Variants in LINGO2 observed in about 807,000 individuals in gnomAD.
The protein encoded by LINGO2 is leucine-rich repeat and immunoglobulin-like domain-containing nogo receptor-interacting protein 2.
Under a neutral mutation model 30.6 loss-of-function variants are expected in LINGO2, and 14 were observed. That is an observed-to-expected ratio of 0.46 (90% confidence interval 0.30 to 0.72). The LOEUF is 0.72. LINGO2 is among the 30% of genes least tolerant of loss of function. The pLI, the probability that LINGO2 is intolerant of heterozygous loss-of-function variation, is 0.07. For missense variants in LINGO2, 729 were observed against 751.7 expected (o/e 0.97, Z 0.35); for synonymous variants, 317 against 288.5 (o/e 1.10, Z -1.00).
At chr9:29,205,530 T>C in the LINGO2 span, among the ~76,000 whole-genome samples, 1 of 152,226 alleles carries the variant, frequency 6.6e-6, no homozygotes, top group Non-Finnish European at 1.5e-5. Flanking sequence ...GGCCTGTTGT[T>C]TTATTTTCTT....
chr9:28,425,044 G>A (rs949003936), intron 2 of LINGO2, among the ~76,000 whole-genome samples: 2 of 151,638 alleles, frequency 1.3e-5, no homozygotes, highest in African/African-American at 2.4e-5. Flanking sequence ...GGTCTTAAAC[G>A]GGTTATTTTT....
rs775782337 is a variant in LINGO2, at chr9:28,524,869, G to A, written c.-364-48844C>T. ...TAAGCAAAGGGATCTTTAAAAATAG[G>A]TAAAGAATATGAATAGGTACTTCTC... On this transcript the variant is annotated intron_variant, in intron 1 of 5. Transcript: ENST00000379992. Among the ~76,000 whole-genome samples the A allele has an allele frequency of 6.6e-5, 10 of 151,954 alleles. 1 individual carries two copies. The highest frequency in any genetic ancestry group is 1.2e-4 in the Non-Finnish European group (8 of 67,964).
the LINGO2 span, among the ~76,000 whole-genome samples, chr9:28,757,683 C>G: frequency 5.3e-5 from 8 of 151,932 alleles, no homozygotes; most frequent in Non-Finnish European, 1.2e-4. Flanking sequence ...AATTCTGGTA[C>G]ATTTTGGTTT....
chr9:28,542,031 C>A (rs923427748), intron 1 of LINGO2, among the ~76,000 whole-genome samples: 2 of 151,928 alleles, frequency 1.3e-5, no homozygotes, highest in African/African-American at 4.8e-5. Context: ...GTTTGGGGTA[C>A]AAAATGCTGA....
intron 1 of LINGO2, among the ~76,000 whole-genome samples, chr9:28,502,054 AG>A (rs1379578923): frequency 6.6e-6 from 1 of 151,680 alleles, no homozygotes; most frequent in African/African-American, 2.4e-5. Flanking sequence ...GATAAAGGGA[AG>A]AAAGGAGGGA....
intron 4 of LINGO2, among the ~76,000 whole-genome samples, chr9:28,243,059 A>T (rs1352247533): frequency 6.6e-6 from 1 of 152,180 alleles, no homozygotes; most frequent in Non-Finnish European, 1.5e-5. Context: ...AAGAAACAGC[A>T]TCAACTAGTG....
At chr9:28,890,059 C>T in the LINGO2 span, among the ~76,000 whole-genome samples, 1 of 152,166 alleles carries the variant, frequency 6.6e-6, no homozygotes, top group Non-Finnish European at 1.5e-5. Context: ...ATGCTTGGTA[C>T]AGAATAGCAT....
At chr9:28,866,499 T>C in the LINGO2 span, among the ~76,000 whole-genome samples, 6 of 152,014 alleles carry the variant, frequency 3.9e-5, no homozygotes, top group African/African-American at 9.7e-5. Context: ...ATAAACCCTA[T>C]AATCAATGCT....
At chr9:27,965,330 A>G (rs185800065) in intron 5 of LINGO2, among the ~76,000 whole-genome samples, 1 of 150,964 alleles carries the variant, frequency 6.6e-6, no homozygotes, top group African/African-American at 2.4e-5. Context: ...TACTTCTCTC[A>G]TGCTTTATCA....
At chr9:29,059,645 T>A in the LINGO2 span, among the ~76,000 whole-genome samples, 2 of 151,932 alleles carry the variant, frequency 1.3e-5, no homozygotes, top group African/African-American at 2.4e-5. Context: ...GAGAGTTTTT[T>A]AAACAAATTT....
chr9:27,969,290 T>C (rs1019955069), intron 5 of LINGO2, among the ~76,000 whole-genome samples: 5 of 152,084 alleles, frequency 3.3e-5, no homozygotes, highest in African/African-American at 9.7e-5. Flanking sequence ...ATATGAAAGC[T>C]TCATTGAGTA....
chr9:28,744,008 T>C, the LINGO2 span, among the ~76,000 whole-genome samples: 1 of 151,368 alleles, frequency 6.6e-6, no homozygotes. Context: ...TTTCTCTGTG[T>C]TCTCCTGATT....
At chr9:28,000,684 G>A (rs1821903940) in intron 5 of LINGO2, among the ~76,000 whole-genome samples, 1 of 152,138 alleles carries the variant, frequency 6.6e-6, no homozygotes, top group Non-Finnish European at 1.5e-5. Context: ...TAGTTCTGAC[G>A]TTTTTGGATT....
At chr9:28,240,654 A>G (rs2133971027) in intron 4 of LINGO2, among the ~76,000 whole-genome samples, 1 of 152,272 alleles carries the variant, frequency 6.6e-6, no homozygotes, top group African/African-American at 2.4e-5. Flanking sequence ...AAAATAGATT[A>G]AAGACTTAAA....
the LINGO2 span, among the ~76,000 whole-genome samples, chr9:29,179,914 T>A: frequency 2.0e-5 from 3 of 152,236 alleles, no homozygotes; most frequent in East Asian, 3.8e-4. Context: ...AGTTTTACAA[T>A]GATTTAGTTT....
the LINGO2 span, among the ~76,000 whole-genome samples, chr9:29,183,556 T>C: frequency 4.6e-5 from 7 of 152,192 alleles, no homozygotes; most frequent in Non-Finnish European, 8.8e-5. Context: ...AAAGAAGTGA[T>C]AGTTAACAGA....
chr9:28,955,415 A>C, the LINGO2 span, among the ~76,000 whole-genome samples: 1 of 152,134 alleles, frequency 6.6e-6, no homozygotes, highest in South Asian at 2.1e-4. Context: ...GTCTGCTTGC[A>C]TGTGGATTAG....
chr9:28,123,724 C>T (rs577285541), intron 4 of LINGO2, among the ~76,000 whole-genome samples: 9 of 151,826 alleles, frequency 5.9e-5, no homozygotes, highest in Non-Finnish European at 1.0e-4. Flanking sequence ...AGTGCAGCGG[C>T]GTGATCTCGG....
chr9:28,111,448 TTCC>T (rs1266434201), intron 4 of LINGO2, among the ~76,000 whole-genome samples: 1 of 151,960 alleles, frequency 6.6e-6, no homozygotes, highest in East Asian at 1.9e-4. Context: ...ACATCATGCG[TTCC>T]TCCTATGTGA....
Sources: allele counts gnomAD v4.1 joint callset (sites outside exome capture counted in the v4.1 genomes callset), GRCh38; gene constraint gnomAD v4.1.1; transcripts MANE v1.5; gene names NCBI Gene and HGNC (gene_info 2026-07-23, HGNC 2026-07-21).